MCM5: variants seen among roughly 807,000 people sequenced by gnomAD.
MCM5 encodes the protein DNA replication licensing factor MCM5.
Under a neutral mutation model 79.9 loss-of-function variants are expected in MCM5, and 46 were observed. That is an observed-to-expected ratio of 0.58 (90% confidence interval 0.45 to 0.74). The LOEUF (loss-of-function observed/expected upper bound fraction) is 0.74. Among genes scored for constraint, MCM5 ranks in the 30% least tolerant of loss-of-function variants. MCM5 has a pLI of 0.00. For missense variants in MCM5, 883 were observed against 1,017.0 expected, an observed-to-expected ratio of 0.87 and a Z score of 1.79; for synonymous variants, 404 against 390.5, an observed-to-expected ratio of 1.03 and a Z score of -0.41.
At chr22:35,411,616 GA>G (rs1465976355) in intron 7 of MCM5, 3 of 152,420 alleles carry the variant, frequency 2.0e-5, no homozygotes, top group Admixed American at 1.3e-4. Flanking sequence ...AGGGGCCACT[GA>G]GGGTTTTCAG....
chr22:35,438,419 CCATCCATCCATCCACATATT>C, the MCM5 span, among the ~76,000 whole-genome samples: 16 of 139,712 alleles, frequency 1.1e-4, no homozygotes, highest in East Asian at 2.1e-4. Context: ...ATTCATCCAT[CCATCCATCCATCCACATATT>C]CATCCATCCA....
At position 35,400,170 on chromosome 22, in the gene MCM5, T is replaced by G. The variant is rs1195597312; in HGVS notation, c.-47T>G. On this transcript the variant is annotated 5_prime_UTR_variant, in exon 1 of 17. Transcript: ENST00000216122. Reference sequence around the variant, plus strand: ...AAACTCGGCGGCTGAGCGTGGAGGTTCTTGTCTCCCCTGGTTTGTGAAGTG... The same window carrying G: ...AAACTCGGCGGCTGAGCGTGGAGGTGCTTGTCTCCCCTGGTTTGTGAAGTG... The G allele has an allele frequency of 2.2e-6, 1 of 463,336 alleles. No individual in the cohort carries two copies. Among genetic ancestry groups the G allele is most frequent in the Admixed American group, 3.8e-5 (1 of 26,300 alleles). 28.7% of individuals were successfully genotyped at this position (463,336 alleles called of 1,614,324 possible). A position where few individuals can be genotyped will look rare whatever the true frequency, so the allele number is the denominator to read the frequency against.
the MCM5 span, among the ~76,000 whole-genome samples, chr22:35,454,432 G>A: frequency 6.6e-6 from 1 of 152,118 alleles, no homozygotes; most frequent in African/African-American, 2.4e-5. Flanking sequence ...CAGCAGGCGG[G>A]GGCAGTAGGA....
intron 4 of MCM5, among the ~76,000 whole-genome samples, chr22:35,404,409 G>A (rs951842001): frequency 1.3e-5 from 2 of 152,124 alleles, no homozygotes; most frequent in African/African-American, 4.8e-5. Context: ...AGAAGCAGGA[G>A]CCATTATCCT....
At position 35,420,640 on chromosome 22, in the gene MCM5, C is replaced by T. The variant is rs4645809; in HGVS notation, c.1832+628C>T. 4.6e-5 allele frequency among the ~76,000 whole-genome samples: 7 copies of T among 152,294 alleles called. No homozygotes were observed. In the East Asian group the frequency reaches 7.7e-4, roughly 17 times the overall value. On this transcript the variant is annotated intron_variant, in intron 14 of 16. Coordinates refer to ENST00000216122, the MANE Select transcript of MCM5 (RefSeq NM_006739.4). ...CCCCTTACTCTTAGTCCGAGATGGC[C>T]GCTAGAACTTCAGCCATCACCTCCA...
At chr22:35,434,598 A>T in the MCM5 span, among the ~76,000 whole-genome samples, 1 of 152,224 alleles carries the variant, frequency 6.6e-6, no homozygotes, top group Non-Finnish European at 1.5e-5. Context: ...CTATCTCCAG[A>T]AGTGGGATGA....
At chr22:35,409,267 C>T (rs1333166273) in intron 6 of MCM5, among the ~76,000 whole-genome samples, 3 of 152,202 alleles carry the variant, frequency 2.0e-5, no homozygotes, top group Non-Finnish European at 4.4e-5. Flanking sequence ...CCAGCGTACC[C>T]CAGGCTTTCT....
chr22:35,436,179 A>G, the MCM5 span, among the ~76,000 whole-genome samples: 194 of 144,332 alleles, frequency 1.3e-3, 8 homozygotes, highest in South Asian at 9.6e-3. Context: ...AAAAAAAAAA[A>G]AAAAGAAAAA....
At chr22:35,453,278 T>C in the MCM5 span, among the ~76,000 whole-genome samples, 210 of 152,226 alleles carry the variant, frequency 1.4e-3, no homozygotes, top group African/African-American at 4.5e-3. Context: ...ATGTCACAAG[T>C]CTGTGTTTCC....
the MCM5 span, among the ~76,000 whole-genome samples, chr22:35,438,735 A>G: frequency 1.9e-5 from 2 of 102,640 alleles, no homozygotes; most frequent in African/African-American, 8.1e-5. Flanking sequence ...ATCCATCCAC[A>G]TATTCATCCA....
rs1229604649 is a variant in MCM5 at position 35,410,870 on chromosome 22, C to T, written c.879C>T (p.Tyr293=). 6.2e-7 allele frequency: 1 copy of T among 1,611,454 alleles called. No homozygotes were observed. Among genetic ancestry groups the T allele is most frequent in the African/African-American group, 1.3e-5 (1 of 74,908 alleles). ...DRVGVGIRSS[Y]IRVLGIQVDT... ...TGGGCGTGGGCATCCGAAGCTCCTACATCCGTGTCCTGGGCATCCAGGTGG... is the reference window on the plus strand; with the variant it reads ...TGGGCGTGGGCATCCGAAGCTCCTATATCCGTGTCCTGGGCATCCAGGTGG... The change falls in exon 7 of 17, where the codon TAC becomes TAT. Residue 293 remains tyrosine (Y), a synonymous_variant. Coordinates refer to ENST00000216122, the MANE Select transcript of MCM5 (RefSeq NM_006739.4).
rs1457984602 is a variant in MCM5, at chr22:35,415,988, TG to T, written c.1347+19del. On this transcript the variant is annotated intron_variant, in intron 10 of 16. Coordinates refer to ENST00000216122, the MANE Select transcript of MCM5 (RefSeq NM_006739.4). ...GTTTGACAAGGTGAGTCTGATGAGG[TG>T]GGTAGTAGCCAAAAGGTGGGTGGCA... 11 of 1,604,930 alleles carry T rather than the reference TG, an allele frequency of 6.9e-6. No homozygotes were observed. Among genetic ancestry groups the T allele is most frequent in the Non-Finnish European group, 9.4e-6 (11 of 1,172,368 alleles).
At chr22:35,409,079 C>T (rs1258802794) in intron 6 of MCM5, among the ~76,000 whole-genome samples, 1 of 152,198 alleles carries the variant, frequency 6.6e-6, no homozygotes, top group African/African-American at 2.4e-5. Flanking sequence ...TCTCCGGCCT[C>T]AGCCTCCCGA....
chr22:35,428,144 C>T (rs1201296292), downstream of MCM5, among the ~76,000 whole-genome samples: 2 of 151,694 alleles, frequency 1.3e-5, no homozygotes, highest in Admixed American at 1.3e-4. Flanking sequence ...CCTCAGCCTC[C>T]TGAGTAGCTG....
chr22:35,434,606 T>A, the MCM5 span, among the ~76,000 whole-genome samples: 1 of 152,194 alleles, frequency 6.6e-6, no homozygotes, highest in South Asian at 2.1e-4. Context: ...AGAAGTGGGA[T>A]GAGAAAGCTT....
chr22:35,413,676 A>G (rs1932454079), intron 8 of MCM5, among the ~76,000 whole-genome samples, 199 bp from the exon 9 acceptor site: 1 of 152,114 alleles, frequency 6.6e-6, no homozygotes, highest in South Asian at 2.1e-4. Flanking sequence ...CCTCATTGCT[A>G]GGCAAGACCT....
downstream of MCM5, among the ~76,000 whole-genome samples, chr22:35,427,412 T>C (rs1391217303): frequency 1.3e-5 from 2 of 152,266 alleles, no homozygotes; most frequent in Non-Finnish European, 2.9e-5. Flanking sequence ...GACCAGCTCA[T>C]GGAAGAAGGT....
chr22:35,403,398 C>G lies in MCM5; in HGVS notation c.295-16C>G, dbSNP rs751683164. ...TGCCCCAGTTACTAATAGCCTGTGC[C>G]CTTCCCTTTCTCCAGCTGGAGGAAG... is the stretch of plus-strand genomic sequence containing the variant. On this transcript the variant is annotated splice_polypyrimidine_tract_variant and intron_variant, in intron 3 of 16. Transcript: ENST00000216122. 13 of 1,614,184 alleles carry G rather than the reference C, an allele frequency of 8.1e-6. No homozygotes were observed. The South Asian group carries it at 8.8e-5, about 11-fold the overall frequency.
intron 4 of MCM5, among the ~76,000 whole-genome samples, chr22:35,405,872 A>T (rs543814131): frequency 6.6e-6 from 1 of 151,806 alleles, no homozygotes; most frequent in Non-Finnish European, 1.5e-5. Flanking sequence ...TTAGCTGGAC[A>T]TGGTGGCAGT....
Sources: gnomAD v4.1 joint callset for allele counts (sites outside exome capture counted in the v4.1 genomes callset) on GRCh38, gnomAD v4.1.1 for gene constraint, MANE v1.5 for transcripts, NCBI Gene and HGNC (gene_info 2026-07-23, HGNC 2026-07-21) for gene names.